Variants in TEKTL1 observed in about 807,000 individuals in gnomAD.
TEKTL1 encodes the protein tektin-like protein 1.
chr19:15,021,166 G>C, the TEKTL1 span, among the ~76,000 whole-genome samples: 67,360 of 151,832 alleles, frequency 0.44, 15,104 homozygotes, highest in East Asian at 0.57. Flanking sequence ...CAGGTTACAG[G>C]CTCTGCTTCT....
At chr19:15,022,571 C>T in the TEKTL1 span, among the ~76,000 whole-genome samples, 14 of 152,114 alleles carry the variant, frequency 9.2e-5, 1 homozygote, top group African/African-American at 2.2e-4. Context: ...TCAGGTGATC[C>T]GCCCGCCTCG....
At chr19:15,013,912 T>C in the TEKTL1 span, 208,984 of 619,238 alleles carry the variant, frequency 0.34, 36,316 homozygotes, top group Non-Finnish European at 0.36. Context: ...CACTGCATTT[T>C]GCTTTGTGAA....
chr19:15,010,892 G>T, the TEKTL1 span: 1 of 1,566,080 alleles, frequency 6.4e-7, no homozygotes, highest in African/African-American at 1.4e-5. Flanking sequence ...AGCATGGCGC[G>T]AGGCAGCTCA....
the TEKTL1 span, chr19:15,013,783 G>T: frequency 3.1e-6 from 5 of 1,594,452 alleles, no homozygotes; most frequent in African/African-American, 6.7e-5. Context: ...CAAGGTTAGG[G>T]GTGCCTGTGG....
the TEKTL1 span, among the ~76,000 whole-genome samples, chr19:15,017,213 T>A: frequency 1.3e-5 from 2 of 151,932 alleles, no homozygotes; most frequent in African/African-American, 4.8e-5. Flanking sequence ...CAGAGCAAGA[T>A]TCTGTAAATG....
At chr19:15,021,687 G>C in the TEKTL1 span, 1 of 1,614,106 alleles carries the variant, frequency 6.2e-7, no homozygotes, top group Admixed American at 1.7e-5. Context: ...ACCAAGAGTT[G>C]TACACCACCC....
At chr19:15,012,568 A>C in the TEKTL1 span, among the ~76,000 whole-genome samples, 2 of 151,852 alleles carry the variant, frequency 1.3e-5, no homozygotes, top group Non-Finnish European at 1.5e-5. Context: ...ACAAACAAAC[A>C]AAAAAAGATG....
the TEKTL1 span, among the ~76,000 whole-genome samples, chr19:15,020,884 T>TTTTTTTTTTTCC: frequency 2.0e-5 from 3 of 151,456 alleles, no homozygotes; most frequent in African/African-American, 7.3e-5. Context: ...CTCTGCTTTT[T>TTTTTTTTTTTCC]TTTTTTTTCC....
the TEKTL1 span, chr19:15,020,448 C>T: frequency 8.3e-5 from 133 of 1,610,952 alleles, no homozygotes; most frequent in Middle Eastern, 1.5e-3. Flanking sequence ...CTTCTCCTCC[C>T]CTCCCCACCC....
the TEKTL1 span, chr19:15,022,794 C>T: frequency 4.2e-6 from 6 of 1,433,400 alleles, no homozygotes; most frequent in African/African-American, 7.1e-5. Flanking sequence ...CTTACACACA[C>T]ACCTGGCGCA....
chr19:15,023,078 C>A, the TEKTL1 span: 1 of 1,608,664 alleles, frequency 6.2e-7, no homozygotes, highest in South Asian at 1.1e-5. Flanking sequence ...CTGGGACCCG[C>A]GCACGCCGCC....
the TEKTL1 span, chr19:15,021,799 C>G: frequency 5.0e-6 from 8 of 1,613,642 alleles, no homozygotes; most frequent in Admixed American, 1.0e-4. Flanking sequence ...ACACCGCACC[C>G]CACCAGGGTC....
At chr19:15,020,403 A>G in the TEKTL1 span, 3 of 1,477,958 alleles carry the variant, frequency 2.0e-6, no homozygotes, top group African/African-American at 2.8e-5. Context: ...AATCACTTGC[A>G]TCCACTTCCC....
the TEKTL1 span, chr19:15,023,209 C>G: frequency 1.6e-5 from 19 of 1,162,772 alleles, no homozygotes; most frequent in Admixed American, 1.1e-4. Flanking sequence ...TCCCTCTCCC[C>G]TGACGCACCC....
the TEKTL1 span, chr19:15,021,867 T>G: frequency 6.2e-7 from 1 of 1,613,920 alleles, no homozygotes; most frequent in Admixed American, 1.7e-5. Context: ...CTGGTTCGCA[T>G]GTACCAGAGA....
At chr19:15,013,840 A>C in the TEKTL1 span, 1 of 965,358 alleles carries the variant, frequency 1.0e-6, no homozygotes, top group East Asian at 2.6e-5. Flanking sequence ...CTAATGGACA[A>C]ACCACTCTGA....
chr19:15,018,720 G>GTA, the TEKTL1 span, among the ~76,000 whole-genome samples: 4 of 85,838 alleles, frequency 4.7e-5, 1 homozygote, highest in East Asian at 3.0e-4. Flanking sequence ...CTCAAAATAT[G>GTA]TATATATATA....
At chr19:15,021,676 A>C in the TEKTL1 span, 3 of 1,614,136 alleles carry the variant, frequency 1.9e-6, no homozygotes, top group Non-Finnish European at 2.5e-6. Context: ...TACGAAATAT[A>C]ACCAAGAGTT....
the TEKTL1 span, among the ~76,000 whole-genome samples, chr19:15,015,893 C>T: frequency 5.3e-5 from 8 of 152,134 alleles, no homozygotes; most frequent in Admixed American, 3.9e-4. Context: ...TCTACATGCC[C>T]CTCTAGATAC....
Sources: allele counts gnomAD v4.1 joint callset (sites outside exome capture counted in the v4.1 genomes callset), GRCh38; gene constraint gnomAD v4.1.1; transcripts MANE v1.5; gene names NCBI Gene and HGNC (gene_info 2026-07-23, HGNC 2026-07-21).